The following KCNH7 variants were observed in gnomAD, a reference collection of about 807,000 sequenced individuals.
KCNH7 encodes the protein voltage-gated inwardly rectifying potassium channel KCNH7.
KCNH7 carries 49 observed loss-of-function variants against 120.8 expected under a neutral mutation model. The ratio of observed to expected loss-of-function variants is 0.41; its 90% CI spans 0.32 to 0.51. The LOEUF (loss-of-function observed/expected upper bound fraction) is 0.51. Among genes scored for constraint, KCNH7 ranks in the 20% least tolerant of loss-of-function variants. KCNH7 has a pLI of 0.38. For missense variants in KCNH7, 1,097 were observed against 1,446.6 expected, an observed-to-expected ratio of 0.76 and a Z score of 3.92; for synonymous variants, 547 against 516.1, an observed-to-expected ratio of 1.06 and a Z score of -0.81.
intron 6 of KCNH7, among the ~76,000 whole-genome samples, chr2:162,471,264 AGGT>A (rs1343548733): frequency 1.3e-5 from 2 of 149,226 alleles, no homozygotes; most frequent in African/African-American, 5.0e-5. Flanking sequence ...AAAAAAAAAA[AGGT>A]AGATTTCCTG....
chr2:162,571,565 C>T (rs1446060843), intron 2 of KCNH7, among the ~76,000 whole-genome samples: 1 of 147,138 alleles, frequency 6.8e-6, no homozygotes, highest in Non-Finnish European at 1.5e-5. Context: ...CATATGGAAC[C>T]AAAAAAGAGC....
At chr2:162,530,164 G>T (rs900363891) in intron 3 of KCNH7, among the ~76,000 whole-genome samples, 1 of 151,880 alleles carries the variant, frequency 6.6e-6, no homozygotes, top group Non-Finnish European at 1.5e-5. Context: ...CTATATAAAA[G>T]AAGTCTCTAA....
At chr2:162,684,273 CA>C (rs1220588223) in intron 2 of KCNH7, among the ~76,000 whole-genome samples, 7 of 152,080 alleles carry the variant, frequency 4.6e-5, no homozygotes, top group Non-Finnish European at 1.0e-4. Flanking sequence ...CAATACCATT[CA>C]AGATACAGGC....
At chr2:162,530,174 A>C (rs1691866996) in intron 3 of KCNH7, among the ~76,000 whole-genome samples, 1 of 151,884 alleles carries the variant, frequency 6.6e-6, no homozygotes, top group East Asian at 2.0e-4. Context: ...GAAGTCTCTA[A>C]GTTTTCAGAA....
chr2:162,432,238 T>G (rs575153045), intron 8 of KCNH7, among the ~76,000 whole-genome samples: 7 of 152,172 alleles, frequency 4.6e-5, no homozygotes. Flanking sequence ...GTTCTGTCTC[T>G]CTGGAATACA....
At chr2:162,710,732 AG>A (rs1183185243) in intron 2 of KCNH7, among the ~76,000 whole-genome samples, 1 of 152,178 alleles carries the variant, frequency 6.6e-6, no homozygotes, top group Admixed American at 6.6e-5. Flanking sequence ...GCTGCCTGCT[AG>A]CAGCTGCTGC....
intron 12 of KCNH7, among the ~76,000 whole-genome samples, chr2:162,392,735 A>T (rs1686780949): frequency 6.6e-6 from 1 of 151,950 alleles, no homozygotes; most frequent in African/African-American, 2.4e-5. Context: ...AGATGAACTG[A>T]TGGGGGAAGA....
chr2:162,776,163 C>T (rs1164342774), intron 2 of KCNH7, among the ~76,000 whole-genome samples: 1 of 152,204 alleles, frequency 6.6e-6, no homozygotes, highest in Non-Finnish European at 1.5e-5. Context: ...GTACATACTA[C>T]ATTCCACATC....
At chr2:162,748,402 A>G (rs1395049397) in intron 2 of KCNH7, among the ~76,000 whole-genome samples, 1 of 152,174 alleles carries the variant, frequency 6.6e-6, no homozygotes, top group African/African-American at 2.4e-5. Flanking sequence ...TTATGCCCTT[A>G]TCTAGTTTCA....
intron 12 of KCNH7, among the ~76,000 whole-genome samples, chr2:162,392,095 A>G (rs1168163622): frequency 6.6e-6 from 1 of 152,068 alleles, no homozygotes; most frequent in Non-Finnish European, 1.5e-5. Flanking sequence ...AAAAAAATAC[A>G]CCAGTAGCCA....
chr2:162,721,957 T>C (rs1687336328), intron 2 of KCNH7, among the ~76,000 whole-genome samples: 2 of 152,082 alleles, frequency 1.3e-5, no homozygotes, highest in Admixed American at 1.3e-4. Flanking sequence ...TTAAAATCTT[T>C]ACAGAAAAAT....
chr2:162,621,893 C>T (rs1211039016), intron 2 of KCNH7, among the ~76,000 whole-genome samples: 14 of 152,162 alleles, frequency 9.2e-5, no homozygotes, highest in South Asian at 4.1e-4. Context: ...ATGTGTAGTA[C>T]AAATATTTCT....
chr2:162,674,254 G>C (rs374742021), intron 2 of KCNH7, among the ~76,000 whole-genome samples: 3 of 151,756 alleles, frequency 2.0e-5, no homozygotes, highest in East Asian at 1.9e-4. Context: ...AAAAATGATA[G>C]TAGCAGAATT....
intron 2 of KCNH7, among the ~76,000 whole-genome samples, chr2:162,576,336 C>G: frequency 6.6e-6 from 1 of 152,010 alleles, no homozygotes; most frequent in Non-Finnish European, 1.5e-5. Context: ...TATCACCTTT[C>G]TAGCTTTCAT....
At chr2:162,621,184 T>C (rs964290172) in intron 2 of KCNH7, among the ~76,000 whole-genome samples, 6 of 151,142 alleles carry the variant, frequency 4.0e-5, no homozygotes, top group Admixed American at 2.6e-4. Context: ...ATAAGGCAAT[T>C]CTTTAATTTT....
intron 2 of KCNH7, among the ~76,000 whole-genome samples, chr2:162,778,066 A>G (rs1200072794): frequency 6.6e-6 from 1 of 152,160 alleles, no homozygotes; most frequent in African/African-American, 2.4e-5. Flanking sequence ...TCTTGAATAC[A>G]AAGATGGGAA....
intron 2 of KCNH7, among the ~76,000 whole-genome samples, chr2:162,786,658 T>G (rs1683717664): frequency 6.6e-6 from 1 of 152,230 alleles, no homozygotes; most frequent in Non-Finnish European, 1.5e-5. Context: ...ATTCTAAATG[T>G]AAGCTGCTGT....
intron 2 of KCNH7, among the ~76,000 whole-genome samples, chr2:162,733,593 T>G (rs1006085259): frequency 6.6e-6 from 1 of 152,232 alleles, no homozygotes; most frequent in African/African-American, 2.4e-5. Context: ...GCATGTAGCA[T>G]GAGCCAAAAG....
chr2:162,820,209 T>TTGTG (rs71410049), intron 2 of KCNH7, among the ~76,000 whole-genome samples: 5,551 of 99,666 alleles, frequency 0.056, 268 homozygotes, highest in East Asian at 0.2. Flanking sequence ...CCGGCTAATT[T>TTGTG]TGTGTGTGTG....
Sources: gnomAD v4.1 joint callset for allele counts (sites outside exome capture counted in the v4.1 genomes callset) on GRCh38, gnomAD v4.1.1 for gene constraint, MANE v1.5 for transcripts, NCBI Gene and HGNC (gene_info 2026-07-23, HGNC 2026-07-21) for gene names.